NAV2: variants seen among roughly 807,000 people sequenced by gnomAD.
NAV2 encodes neuron navigator 2.
Under a neutral mutation model 223.2 loss-of-function variants are expected in NAV2, and 54 were observed. That is an observed-to-expected ratio of 0.24 (90% CI 0.19 to 0.30). NAV2 has a LOEUF of 0.30. NAV2 is among the 10% of genes least tolerant of loss of function. The pLI, the probability that NAV2 is intolerant of heterozygous loss-of-function variation, is 1.00. For synonymous variants in NAV2, 1,279 were observed against 1,239.3 expected (o/e 1.03, Z -0.67); for missense variants, 2,806 against 3,147.5 (o/e 0.89, Z 2.60).
chr11:19,915,747 T>C (rs2043747937), intron 6 of NAV2, among the ~76,000 whole-genome samples: 1 of 152,252 alleles, frequency 6.6e-6, no homozygotes, highest in African/African-American at 2.4e-5. Context: ...TCCGTGGTTA[T>C]CTTGTTGGTC....
intron 1 of NAV2, among the ~76,000 whole-genome samples, chr11:19,664,535 T>C (rs1171036983): frequency 2.0e-5 from 3 of 152,154 alleles, no homozygotes; most frequent in African/African-American, 4.8e-5. Flanking sequence ...ACCAAGCCAA[T>C]ATGGTGGTAA....
intron 1 of NAV2, among the ~76,000 whole-genome samples, chr11:19,591,884 G>A (rs564673467): frequency 2.0e-5 from 3 of 152,272 alleles, no homozygotes; most frequent in South Asian, 4.2e-4. Context: ...TGCTTGTTGT[G>A]GACGCTGTCA....
At position 19,832,488 on chromosome 11, in the gene NAV2, A is replaced by G; in HGVS notation, c.272A>G (p.Tyr91Cys). Residue 91 changes from tyrosine (Y) to cysteine (C), a missense_variant, in exon 2 of 38, where the codon TAC becomes TGC. This residue lies in a region of NAV2 where 1,167 missense variants were observed against 1,180.5 expected (regional missense o/e 0.99). Coordinates refer to ENST00000349880, the MANE Select transcript of NAV2 (RefSeq NM_145117.5). ...GCCTGTTTGCTTTTTTTACAGATCT[A>G]CACAGACTGGGCCAATCATTACCTA... ...SVENGFDTQI[Y>C]TDWANHYLAK... 6.2e-7 allele frequency: 1 copy of G among 1,613,398 alleles called. No individual in the cohort carries two copies. The highest frequency in any genetic ancestry group is 8.5e-7 in the Non-Finnish European group (1 of 1,179,796).
intron 4 of NAV2, among the ~76,000 whole-genome samples, chr11:19,878,324 A>G (rs1190565684): frequency 6.6e-6 from 1 of 152,216 alleles, no homozygotes; most frequent in African/African-American, 2.4e-5. Context: ...GGCTATAGTC[A>G]TATAATAACC....
chr11:19,457,107 A>G (rs2133830947), intron 1 of NAV2, among the ~76,000 whole-genome samples: 1 of 152,344 alleles, frequency 6.6e-6, no homozygotes. Context: ...GGATACAGGG[A>G]TAAGTGAGAC....
intron 2 of NAV2, among the ~76,000 whole-genome samples, chr11:19,840,695 T>C (rs2060465330): frequency 6.6e-6 from 1 of 152,204 alleles, no homozygotes; most frequent in South Asian, 2.1e-4. Context: ...TTTTTTGGAC[T>C]TTAGTATATA....
intron 1 of NAV2, among the ~76,000 whole-genome samples, chr11:19,361,000 C>A (rs181468521): frequency 9.9e-5 from 15 of 152,132 alleles, no homozygotes; most frequent in Non-Finnish European, 2.9e-5. Flanking sequence ...AAAACTGTGA[C>A]AACTGGAGTG....
At chr11:19,686,480 A>G (rs1258816147) in intron 1 of NAV2, among the ~76,000 whole-genome samples, 1 of 152,230 alleles carries the variant, frequency 6.6e-6, no homozygotes, top group Non-Finnish European at 1.5e-5. Context: ...GAGGTACTCC[A>G]GGTCATAGGG....
chr11:20,027,547 C>A, intron 11 of NAV2: 1 of 808,974 alleles, frequency 1.2e-6, no homozygotes, highest in Non-Finnish European at 1.5e-6. Context: ...GGGGCGGGGG[C>A]TGGCCCAGAC....
upstream of NAV2, chr11:19,711,408 C>A: frequency 6.6e-6 from 1 of 152,304 alleles, no homozygotes. Flanking sequence ...CAGAAGACTG[C>A]CTTCTGTGTC....
intron 1 of NAV2, among the ~76,000 whole-genome samples, chr11:19,671,472 C>T (rs1011193083): frequency 1.3e-5 from 2 of 152,148 alleles, no homozygotes; most frequent in African/African-American, 4.8e-5. Context: ...CTCCCTGCTC[C>T]CACCACAGGT....
intron 1 of NAV2, among the ~76,000 whole-genome samples, chr11:19,539,963 A>G (rs1442803822): frequency 1.3e-5 from 2 of 152,148 alleles, no homozygotes; most frequent in Admixed American, 1.3e-4. Flanking sequence ...TCCCGATAGG[A>G]GCACATAATC....
intron 1 of NAV2, among the ~76,000 whole-genome samples, chr11:19,576,011 G>A (rs1002460504): frequency 6.6e-6 from 1 of 152,206 alleles, no homozygotes. Flanking sequence ...GTCATACAGA[G>A]TGAGGAATCT....
intron 1 of NAV2, among the ~76,000 whole-genome samples, chr11:19,566,065 T>C (rs2045260273): frequency 7.4e-6 from 1 of 135,970 alleles, no homozygotes; most frequent in Admixed American, 7.3e-5. Context: ...TTATTTTATT[T>C]TATTTTATTT....
chr11:19,806,524 AT>A (rs1329991091), intron 1 of NAV2, among the ~76,000 whole-genome samples: 2 of 152,236 alleles, frequency 1.3e-5, no homozygotes, highest in Non-Finnish European at 2.9e-5. Flanking sequence ...AGGTATGATG[AT>A]TGATAACCTG....
At chr11:19,693,814 T>C (rs1020204484) in intron 1 of NAV2, among the ~76,000 whole-genome samples, 2 of 152,198 alleles carry the variant, frequency 1.3e-5, no homozygotes, top group Non-Finnish European at 2.9e-5. Flanking sequence ...GACCCTGGCT[T>C]GAGAACCCAC....
intron 1 of NAV2, among the ~76,000 whole-genome samples, chr11:19,695,788 C>T (rs2049313494): frequency 6.6e-6 from 1 of 151,396 alleles, no homozygotes. Flanking sequence ...CCTATAATCC[C>T]AGCTCCTCAG....
intron 1 of NAV2, among the ~76,000 whole-genome samples, chr11:19,482,508 CAT>C (rs2042311290): frequency 2.0e-5 from 3 of 152,298 alleles, no homozygotes; most frequent in South Asian, 4.1e-4. Flanking sequence ...TGCTTGAAGA[CAT>C]ATGTGAATTC....
intron 5 of NAV2, among the ~76,000 whole-genome samples, chr11:19,888,698 T>C (rs531242378): frequency 4.1e-4 from 63 of 152,212 alleles, no homozygotes; most frequent in Non-Finnish European, 8.2e-4. Flanking sequence ...CCTCGTTTCC[T>C]CCCACTCTGT....
Sources: allele counts gnomAD v4.1 joint callset (sites outside exome capture counted in the v4.1 genomes callset), GRCh38; gene constraint gnomAD v4.1.1; regional missense constraint gnomAD v4.1.1; transcripts MANE v1.5; gene names NCBI Gene and HGNC (gene_info 2026-07-23, HGNC 2026-07-21).